The following RIPOR3 variants were observed in gnomAD, a reference collection of about 807,000 sequenced individuals.
The protein encoded by RIPOR3 is RIPOR family member 3.
In RIPOR3, 95 loss-of-function variants were observed where a neutral mutation model predicts 114.3. The observed-to-expected ratio is 0.83, with a 90% CI of 0.70 to 0.99. The LOEUF is 0.99. RIPOR3 is among the 50% of genes least tolerant of loss of function. The pLI, the probability that RIPOR3 is intolerant of heterozygous loss-of-function variation, is 0.00. For synonymous variants in RIPOR3, 575 were observed against 543.8 expected, an observed-to-expected ratio of 1.06 and a Z score of -0.80; for missense variants, 1,252 against 1,266.9, an observed-to-expected ratio of 0.99 and a Z score of 0.18.
At chr20:50,676,469 T>G (rs1424348586) in intron 1 of RIPOR3, among the ~76,000 whole-genome samples, 1 of 152,002 alleles carries the variant, frequency 6.6e-6, no homozygotes, top group African/African-American at 2.4e-5. Flanking sequence ...CTGGGCAACA[T>G]AGAGAGACCC....
intron 1 of RIPOR3, among the ~76,000 whole-genome samples, chr20:50,642,715 C>G (rs2085249443): frequency 6.6e-6 from 1 of 151,866 alleles, no homozygotes; most frequent in Admixed American, 6.6e-5. Flanking sequence ...TCCCTCTCAC[C>G]CTCTGCCCCA....
At chr20:50,606,699 A>G (rs1030995741) in intron 11 of RIPOR3, among the ~76,000 whole-genome samples, 7 of 149,182 alleles carry the variant, frequency 4.7e-5, no homozygotes, top group Non-Finnish European at 1.0e-4. Flanking sequence ...GCTCGGGCCC[A>G]CTCCCACCCT....
chr20:50,588,332 C>T (rs556568361), intron 20 of RIPOR3, among the ~76,000 whole-genome samples: 104 of 152,284 alleles, frequency 6.8e-4, no homozygotes, highest in Non-Finnish European at 1.3e-3. Context: ...CTCTACTGGG[C>T]ACCTGGCCCT....
intron 19 of RIPOR3, among the ~76,000 whole-genome samples, chr20:50,590,815 C>CCT (rs1367881215): frequency 7.6e-6 from 1 of 131,684 alleles, no homozygotes; most frequent in Non-Finnish European, 1.6e-5. Flanking sequence ...GATGAAGGCC[C>CCT]TTTTTTTTTT....
In RIPOR3 at chr20:50,594,459, G is replaced by C. The variant is rs1269460791; in HGVS notation, c.2212+94C>G. 2.1e-6 allele frequency: 3 copies of C among 1,416,974 alleles called. No individual in the cohort carries two copies. In the East Asian group the frequency reaches 6.9e-5, roughly 33 times the overall value. 87.8% of individuals were successfully genotyped at this position (1,416,974 alleles called of 1,614,324 possible). A position where few individuals can be genotyped will look rare whatever the true frequency, so the allele number is the denominator to read the frequency against. ...ATGAAGACACAGAGGTGAAGACAGG[G>C]CTGAAATGAGGCCAGCTGTGGCCAC... On this transcript the variant is annotated intron_variant, in intron 17 of 21. Coordinates refer to ENST00000327979, the MANE Select transcript of RIPOR3 (RefSeq NM_001290268.2).
chr20:50,605,164 C>G (rs2083661410), intron 11 of RIPOR3, among the ~76,000 whole-genome samples: 1 of 151,926 alleles, frequency 6.6e-6, no homozygotes. Context: ...AACTTCTGGG[C>G]TCAAGCAATC....
intron 1 of RIPOR3, among the ~76,000 whole-genome samples, chr20:50,636,299 C>T (rs2084983354): frequency 6.6e-6 from 1 of 152,226 alleles, no homozygotes; most frequent in African/African-American, 2.4e-5. Flanking sequence ...AGCAATGGCA[C>T]AGCAGCAAAT....
At position 50,648,418 on chromosome 20, in the gene RIPOR3, C is replaced by A. The variant is rs536353566; in HGVS notation, c.4-17562G>T. 6.0e-5 allele frequency among the ~76,000 whole-genome samples: 9 copies of A among 150,780 alleles called. No individual in the cohort carries two copies. In the East Asian group the frequency reaches 1.6e-3, roughly 26 times the overall value. On this transcript the variant is annotated intron_variant, in intron 1 of 21. Coordinates refer to ENST00000327979, the MANE Select transcript of RIPOR3 (RefSeq NM_001290268.2). ...AGTTCTGGAGGTTAGAAGTCCAAAT[C>A]AAGGTGTCGGCAGGGCCATGCTCCC...
chr20:50,612,134 A>G (rs911854203), intron 4 of RIPOR3, among the ~76,000 whole-genome samples: 8 of 151,804 alleles, frequency 5.3e-5, no homozygotes, highest in Non-Finnish European at 1.2e-4. Flanking sequence ...CAAAAAAAAA[A>G]AAAAAAGAAA....
chr20:50,679,773 A>G (rs1288949432), intron 1 of RIPOR3, among the ~76,000 whole-genome samples: 2 of 148,966 alleles, frequency 1.3e-5, no homozygotes, highest in African/African-American at 4.9e-5. Context: ...TGTCTCAAAA[A>G]AAAAAAAACC....
In RIPOR3 at chr20:50,587,321, G is replaced by T. The variant is rs373302861; in HGVS notation, c.2764C>A (p.Arg922=). 1.2e-6 allele frequency: 2 copies of T among 1,613,942 alleles called. No homozygotes were observed. The highest frequency in any genetic ancestry group is 2.2e-5 in the South Asian group (2 of 91,088). Residue 922 remains arginine, a synonymous_variant, in exon 22 of 22, where the codon CGG becomes AGG. Transcript: ENST00000327979. ...TTGTCCATCTTCTCAAAAGCTAACC[G>T]TCCTTTTTCACCTGAAATAGCAAAG... ...ETTLSFGEKG[R]LAFEKMDKLC...
intron 3 of RIPOR3, 68 bp downstream of exon 3, chr20:50,619,918 G>GGAAGAGA (rs2084332766): frequency 1.3e-6 from 2 of 1,555,368 alleles, no homozygotes; most frequent in African/African-American, 2.7e-5. Context: ...CGCTTCCCCA[G>GGAAGAGA]GAAGAGACAG....
At chr20:50,683,732 C>T (rs2086931025) in intron 1 of RIPOR3, among the ~76,000 whole-genome samples, 1 of 151,454 alleles carries the variant, frequency 6.6e-6, no homozygotes, top group Non-Finnish European at 1.5e-5. Flanking sequence ...ACTGGGATTA[C>T]AGGTGTGAGC....
chr20:50,672,025 G>A (rs1390364477), intron 1 of RIPOR3, among the ~76,000 whole-genome samples: 1 of 151,514 alleles, frequency 6.6e-6, no homozygotes, highest in Non-Finnish European at 1.5e-5. Flanking sequence ...TGGATGGGTA[G>A]GTGGGTGGGT....
At chr20:50,628,480 C>T (rs1302461822) in intron 2 of RIPOR3, among the ~76,000 whole-genome samples, 1 of 152,114 alleles carries the variant, frequency 6.6e-6, no homozygotes, top group African/African-American at 2.4e-5. Context: ...AGCTGCCTCC[C>T]GCCGCCGAAG....
intron 1 of RIPOR3, among the ~76,000 whole-genome samples, chr20:50,654,658 A>G (rs1284560764): frequency 6.6e-6 from 1 of 151,980 alleles, no homozygotes; most frequent in Non-Finnish European, 1.5e-5. Flanking sequence ...GTCCTCTCTT[A>G]TATCAGCTTT....
intron 19 of RIPOR3, among the ~76,000 whole-genome samples, chr20:50,590,901 G>A (rs373375355): frequency 1.5e-4 from 23 of 150,174 alleles, no homozygotes; most frequent in African/African-American, 5.1e-4. Flanking sequence ...TGCAGCCTCT[G>A]CTTCCCATGG....
chr20:50,624,831 C>T (rs1029620798), intron 2 of RIPOR3, among the ~76,000 whole-genome samples: 3 of 152,230 alleles, frequency 2.0e-5, no homozygotes, highest in South Asian at 4.1e-4. Context: ...CCTTGGTACT[C>T]GGCTGTTGCA....
At position 50,670,239 on chromosome 20, in the gene RIPOR3, G is replaced by A. The variant is rs191829631; in HGVS notation, c.3+20887C>T. 7.8e-4 allele frequency among the ~76,000 whole-genome samples: 119 copies of A among 151,944 alleles called. 1 individual carries two copies. Among genetic ancestry groups the A allele is most frequent in the African/African-American group, 2.4e-3 (100 of 41,436 alleles). Reference sequence around the variant, plus strand: ...TCAACCAGGCAGGCGGAGGCCCAGAGCATGAGTTTTACCTACTGCCGGTTT... The same window carrying A: ...TCAACCAGGCAGGCGGAGGCCCAGAACATGAGTTTTACCTACTGCCGGTTT... On this transcript the variant is annotated intron_variant, in intron 1 of 21. Transcript: ENST00000327979.
Sources: allele counts gnomAD v4.1 joint callset (sites outside exome capture counted in the v4.1 genomes callset), GRCh38; gene constraint gnomAD v4.1.1; transcripts MANE v1.5; gene names NCBI Gene and HGNC (gene_info 2026-07-23, HGNC 2026-07-21).